Variants in PAG1 observed in about 807,000 individuals in gnomAD.
The protein encoded by PAG1 is phosphoprotein membrane anchor with glycosphingolipid microdomains 1, also known as phosphoprotein associated with glycosphingolipid-enriched microdomains 1.
PAG1 carries 23 observed loss-of-function variants against 31.7 expected under a neutral mutation model. The ratio of observed to expected loss-of-function variants is 0.73; its 90% CI spans 0.52 to 1.03. The LOEUF (loss-of-function observed/expected upper bound fraction) is 1.03. PAG1 is among the 50% of genes least tolerant of loss of function. The pLI is 0.00. For synonymous variants in PAG1, 214 were observed against 210.3 expected (o/e 1.02, Z -0.15); for missense variants, 473 against 540.7 (o/e 0.87, Z 1.24).
chr8:81,024,401 C>T (rs1056629861), intron 3 of PAG1, among the ~76,000 whole-genome samples: 1 of 152,214 alleles, frequency 6.6e-6, no homozygotes, highest in Non-Finnish European at 1.5e-5. Flanking sequence ...TGGCACACGG[C>T]CCCTCCAGGA....
intron 2 of PAG1, among the ~76,000 whole-genome samples, chr8:81,057,373 C>T (rs10957997): frequency 0.28 from 43,266 of 151,878 alleles, 8,279 homozygotes; most frequent in African/African-American, 0.55. Flanking sequence ...ATATACACCA[C>T]GGAATACTAT....
intron 1 of PAG1, among the ~76,000 whole-genome samples, chr8:81,082,841 T>C (rs1809291179): frequency 6.6e-6 from 1 of 152,238 alleles, no homozygotes; most frequent in African/African-American, 2.4e-5. Flanking sequence ...ATTTTTATGA[T>C]GGCTGTTTTA....
chr8:80,996,540 C>T (rs1807676378), intron 3 of PAG1, among the ~76,000 whole-genome samples: 1 of 152,208 alleles, frequency 6.6e-6, no homozygotes, highest in Non-Finnish European at 1.5e-5. Flanking sequence ...CTCCCGCTCA[C>T]CCTCCTGCTC....
At chr8:81,107,861 G>A (rs1809717830) in intron 1 of PAG1, among the ~76,000 whole-genome samples, 1 of 152,280 alleles carries the variant, frequency 6.6e-6, no homozygotes, top group South Asian at 2.1e-4. Context: ...ACCTCCCAAT[G>A]TGCCTCTCAC....
At chr8:81,023,140 AATT>A (rs1244653926) in intron 3 of PAG1, among the ~76,000 whole-genome samples, 1 of 152,276 alleles carries the variant, frequency 6.6e-6, no homozygotes, top group African/African-American at 2.4e-5. Flanking sequence ...ATTTTAAGTT[AATT>A]ATTATTAAAG....
chr8:81,055,075 CTTTT>C (rs773535023), intron 2 of PAG1, among the ~76,000 whole-genome samples: 2 of 138,922 alleles, frequency 1.4e-5, no homozygotes, highest in Admixed American at 7.2e-5. Context: ...CTTTTTTTTT[CTTTT>C]TTTTTTTTTT....
rs1806997759 is a variant in PAG1 at position 80,967,984 on chromosome 8, G to A, written c.*8560C>T. ...ACAAGTTAAACTCCAGTCTTTTCTG[G>A]ATATTCAATTGAAATACTACTGGCA... On this transcript the variant is annotated 3_prime_UTR_variant, in exon 9 of 9. Transcript: ENST00000220597. The A allele has an allele frequency of 6.7e-6, 1 of 149,440 alleles. No individual in the cohort carries two copies. The highest frequency in any genetic ancestry group is 6.7e-5 in the Admixed American group (1 of 14,862). The allele number at this position is 149,440 out of a possible 1,614,324, so 9.3% of individuals were successfully genotyped here.
intron 2 of PAG1, among the ~76,000 whole-genome samples, chr8:81,030,606 C>T (rs1223383888): frequency 6.6e-6 from 1 of 152,214 alleles, no homozygotes; most frequent in African/African-American, 2.4e-5. Context: ...ACATGCAGAT[C>T]TAGCCCCGAG....
chr8:80,998,123 G>A (rs1407058043), intron 3 of PAG1, among the ~76,000 whole-genome samples: 1 of 132,610 alleles, frequency 7.5e-6, no homozygotes, highest in Non-Finnish European at 1.5e-5. Context: ...TTAACAGCAG[G>A]TGTCCTTTTT....
intron 1 of PAG1, among the ~76,000 whole-genome samples, chr8:81,086,799 A>C (rs1044752740): frequency 4.6e-5 from 7 of 152,196 alleles, no homozygotes; most frequent in South Asian, 2.1e-4. Context: ...TCTACTAGAC[A>C]AGCAAATTAA....
chr8:81,066,591 C>T (rs770857828), intron 2 of PAG1, among the ~76,000 whole-genome samples: 1 of 152,106 alleles, frequency 6.6e-6, no homozygotes, highest in Admixed American at 6.6e-5. Context: ...AAGTGTAAAA[C>T]CATACTTTTT....
intron 2 of PAG1, among the ~76,000 whole-genome samples, chr8:81,069,134 G>T (rs902714848): frequency 6.6e-6 from 1 of 152,172 alleles, no homozygotes; most frequent in African/African-American, 2.4e-5. Context: ...GTTATATTTA[G>T]AAAGACTGTG....
At chr8:81,054,236 T>C (rs1041219049) in intron 2 of PAG1, among the ~76,000 whole-genome samples, 1 of 152,138 alleles carries the variant, frequency 6.6e-6, no homozygotes, top group Non-Finnish European at 1.5e-5. Context: ...ATATCCCATA[T>C]ACAAGGCCTT....
At chr8:81,047,244 C>T (rs1205453748) in intron 2 of PAG1, among the ~76,000 whole-genome samples, 1 of 152,198 alleles carries the variant, frequency 6.6e-6, no homozygotes, top group East Asian at 1.9e-4. Context: ...GTATTTCTGC[C>T]TCTAGGTCTT....
chr8:81,081,330 G>C (rs1341070430), intron 1 of PAG1, among the ~76,000 whole-genome samples: 2 of 151,904 alleles, frequency 1.3e-5, no homozygotes, highest in African/African-American at 4.8e-5. Context: ...GTAGCTACAA[G>C]AAATTTTTAA....
At chr8:81,107,357 G>C (rs1355706810) in intron 1 of PAG1, among the ~76,000 whole-genome samples, 5 of 152,128 alleles carry the variant, frequency 3.3e-5, no homozygotes, top group African/African-American at 4.8e-5. Flanking sequence ...CTTCTGAAAA[G>C]CATAATATAG....
intron 1 of PAG1, among the ~76,000 whole-genome samples, chr8:81,076,644 T>C (rs1396616692): frequency 1.3e-5 from 2 of 152,216 alleles, no homozygotes; most frequent in East Asian, 1.9e-4. Flanking sequence ...CTTACTTTCA[T>C]GTAAAAATTA....
At chr8:81,025,216 C>A (rs538540008) in intron 3 of PAG1, among the ~76,000 whole-genome samples, 2 of 152,098 alleles carry the variant, frequency 1.3e-5, no homozygotes, top group South Asian at 4.2e-4. Context: ...ACATTTTCAC[C>A]CACCTGAGAA....
At chr8:80,992,376 G>T (rs2130501878) in intron 4 of PAG1, among the ~76,000 whole-genome samples, 1 of 152,362 alleles carries the variant, frequency 6.6e-6, no homozygotes, top group African/African-American at 2.4e-5. Flanking sequence ...ATGGTGGAGG[G>T]AGAGTTTGGA....
Sources: allele counts gnomAD v4.1 joint callset (sites outside exome capture counted in the v4.1 genomes callset), GRCh38; gene constraint gnomAD v4.1.1; transcripts MANE v1.5; gene names NCBI Gene and HGNC (gene_info 2026-07-23, HGNC 2026-07-21).